The following CCDC178 variants were observed in gnomAD, a reference collection of about 807,000 sequenced individuals.
CCDC178 encodes coiled-coil domain containing 178, also known as coiled-coil domain-containing protein 178.
In CCDC178, 126 loss-of-function variants were observed where a neutral mutation model predicts 117.4. The observed-to-expected ratio is 1.07, with a 90% confidence interval of 0.93 to 1.24. CCDC178 has a LOEUF of 1.24. CCDC178 is among the 50% of genes most tolerant of loss of function. CCDC178 has a pLI of 0.00. For synonymous variants in CCDC178, 283 were observed against 313.4 expected (o/e 0.90, Z 1.02); for missense variants, 1,030 against 986.9 (o/e 1.04, Z -0.59).
At chr18:33,033,263 A>G (rs2056380315) in intron 21 of CCDC178, among the ~76,000 whole-genome samples, 1 of 152,138 alleles carries the variant, frequency 6.6e-6, no homozygotes, top group South Asian at 2.1e-4. Flanking sequence ...TGGTTTTTGT[A>G]GAGTTCAGGA....
chr18:33,198,468 A>C (rs1849483696), intron 20 of CCDC178, among the ~76,000 whole-genome samples: 1 of 152,200 alleles, frequency 6.6e-6, no homozygotes, highest in Non-Finnish European at 1.5e-5. Flanking sequence ...TTATGAAAGC[A>C]GGACAAGGTG....
chr18:32,981,688 T>C (rs2055157687), intron 21 of CCDC178, among the ~76,000 whole-genome samples: 1 of 152,190 alleles, frequency 6.6e-6, no homozygotes. Context: ...AATATAAAAA[T>C]GGCTTTTTGT....
Position 33,215,702 on chromosome 18 carries a change from A to T in CCDC178, c.1933-7T>A, listed in dbSNP as rs199585390. On this transcript the variant is annotated splice_polypyrimidine_tract_variant and splice_region_variant and intron_variant, in intron 18 of 22. Coordinates refer to ENST00000383096, the MANE Select transcript of CCDC178 (RefSeq NM_001105528.4). ...AAATTGCTGAGCGTTTACTCTGAAA[A>T]AAAATATACACAAGTGTTTATTTTA... 2.3e-5 allele frequency: 35 copies of T among 1,495,436 alleles called. No homozygotes were observed. Among genetic ancestry groups the T allele is most frequent in the Non-Finnish European group, 3.1e-5 (35 of 1,121,928 alleles). The allele number at this position is 1,495,436 out of a possible 1,614,324, so 92.6% of individuals were successfully genotyped here. A position where few individuals can be genotyped will look rare whatever the true frequency, so the allele number is the denominator to read the frequency against.
In CCDC178 at chr18:33,293,141, C is replaced by A; in HGVS notation, c.1176+18G>T. ...AAACAAAAATCAGTATTTTTTATTTCTAATATGAAAAACTCACCATTTTTG... is the reference window on the plus strand; with the variant it reads ...AAACAAAAATCAGTATTTTTTATTTATAATATGAAAAACTCACCATTTTTG... On this transcript the variant is annotated intron_variant, in intron 12 of 22. Coordinates refer to ENST00000383096, the MANE Select transcript of CCDC178 (RefSeq NM_001105528.4). 1.4e-6 allele frequency: 2 copies of A among 1,479,420 alleles called. No individual in the cohort carries two copies. Among genetic ancestry groups the A allele is most frequent in the Non-Finnish European group, 1.8e-6 (2 of 1,090,492 alleles). The allele number at this position is 1,479,420 out of a possible 1,614,324, so 91.6% of individuals were successfully genotyped here.
At chr18:33,245,203 C>CT (rs2059534387) in intron 15 of CCDC178, 42 bp downstream of exon 15, 16 of 1,448,554 alleles carry the variant, frequency 1.1e-5, no homozygotes, top group Admixed American at 5.1e-5. Flanking sequence ...GTAAATTACT[C>CT]TTTTTTTCAT....
intron 15 of CCDC178, among the ~76,000 whole-genome samples, chr18:33,244,580 GTGCCTTC>G: frequency 6.6e-6 from 1 of 151,800 alleles, no homozygotes; most frequent in East Asian, 1.9e-4. Context: ...CTGTGAAGAG[GTGCCTTC>G]TGCCATAATT....
At chr18:33,385,596 C>G (rs1432713347) in intron 5 of CCDC178, among the ~76,000 whole-genome samples, 1 of 152,100 alleles carries the variant, frequency 6.6e-6, no homozygotes, top group African/African-American at 2.4e-5. Flanking sequence ...ACTGAACAAC[C>G]TGCTCCTGAA....
chr18:33,240,979 C>T (rs557091795), intron 15 of CCDC178, among the ~76,000 whole-genome samples: 45 of 151,910 alleles, frequency 3.0e-4, no homozygotes, highest in Non-Finnish European at 5.6e-4. Flanking sequence ...TCCAACAGCG[C>T]ATCAAAAAGA....
intron 10 of CCDC178, among the ~76,000 whole-genome samples, chr18:33,326,311 T>C (rs1329602391): frequency 6.6e-6 from 1 of 152,040 alleles, no homozygotes; most frequent in Non-Finnish European, 1.5e-5. Context: ...CTGTTGAGAA[T>C]AGGATGGGTA....
intron 20 of CCDC178, among the ~76,000 whole-genome samples, chr18:33,111,377 A>C (rs981187446): frequency 3.3e-5 from 5 of 151,560 alleles, no homozygotes; most frequent in African/African-American, 1.2e-4. Flanking sequence ...TAAACAAGTT[A>C]TTTTCTGCTT....
intron 22 of CCDC178, among the ~76,000 whole-genome samples, chr18:32,960,106 C>A (rs2054676575): frequency 6.6e-6 from 1 of 152,018 alleles, no homozygotes; most frequent in South Asian, 2.1e-4. Flanking sequence ...CCTAAAGCTA[C>A]ATCATATTGA....
chr18:33,321,149 C>G (rs986100184), intron 11 of CCDC178, among the ~76,000 whole-genome samples: 9 of 152,156 alleles, frequency 5.9e-5, no homozygotes, highest in Non-Finnish European at 1.3e-4. Flanking sequence ...AGAAGAAAAC[C>G]TAGGCTTTAC....
At chr18:33,141,475 A>C (rs1178015766) in intron 20 of CCDC178, among the ~76,000 whole-genome samples, 1 of 152,210 alleles carries the variant, frequency 6.6e-6, no homozygotes, top group African/African-American at 2.4e-5. Flanking sequence ...GGAAAAGACA[A>C]AACCAAAAGC....
chr18:33,255,659 T>C (rs1727002953), intron 14 of CCDC178, among the ~76,000 whole-genome samples: 1 of 151,990 alleles, frequency 6.6e-6, no homozygotes, highest in African/African-American at 2.4e-5. Context: ...CTCCACATGA[T>C]ACTGTTGGTA....
At chr18:33,136,071 GCAAGTTCAAGGCA>G (rs1185120158) in intron 20 of CCDC178, 1 of 152,162 alleles carries the variant, frequency 6.6e-6, no homozygotes, top group Non-Finnish European at 1.5e-5. Context: ...ATTTTGCAGA[GCAAGTTCAAGGCA>G]GAGGCTGACC....
intron 6 of CCDC178, among the ~76,000 whole-genome samples, chr18:33,364,189 C>G (rs2063168627): frequency 6.6e-6 from 1 of 152,040 alleles, no homozygotes; most frequent in Non-Finnish European, 1.5e-5. Context: ...GAGTCCAGAA[C>G]AAATTGCTGA....
intron 21 of CCDC178, among the ~76,000 whole-genome samples, chr18:33,007,183 T>C (rs73415442): frequency 0.035 from 5,399 of 152,140 alleles, 330 homozygotes; most frequent in African/African-American, 0.12. Flanking sequence ...GAATAATCTA[T>C]GTTCACAGAA....
At position 33,245,275 on chromosome 18, in the gene CCDC178, A is replaced by G; in HGVS notation, c.1563T>C (p.Asp521=). The G allele has an allele frequency of 1.3e-6, 2 of 1,595,046 alleles. No homozygotes were observed. The highest frequency in any genetic ancestry group is 1.2e-5 in the South Asian group (1 of 85,940). The change falls in exon 15 of 23, where the codon GAT becomes GAC. Residue 521 remains aspartate, a synonymous_variant. Coordinates refer to ENST00000383096, the MANE Select transcript of CCDC178 (RefSeq NM_001105528.4). ...LTKHKTDEME[D]KIAEVRRKFK... ...ACTTTCTTCTCACTTCTGCTATTTT[A>G]TCTTCCATTTCATCTGTCTTGTGTT... is the stretch of plus-strand genomic sequence containing the variant.
At chr18:33,140,042 G>A (rs2058181014) in intron 20 of CCDC178, among the ~76,000 whole-genome samples, 1 of 152,176 alleles carries the variant, frequency 6.6e-6, no homozygotes. Flanking sequence ...GCTTCAGAGG[G>A]TGCAAGCCTC....
Sources: gnomAD v4.1 joint callset for allele counts (sites outside exome capture counted in the v4.1 genomes callset) on GRCh38, gnomAD v4.1.1 for gene constraint, MANE v1.5 for transcripts, NCBI Gene and HGNC (gene_info 2026-07-23, HGNC 2026-07-21) for gene names.